The following EPB41L4A variants were observed in gnomAD, a reference collection of about 807,000 sequenced individuals.
EPB41L4A encodes the protein band 4.1-like protein 4A.
In EPB41L4A, 100 loss-of-function variants were observed where a neutral mutation model predicts 108.6. That is an observed-to-expected ratio of 0.92 (90% confidence interval 0.78 to 1.09). The LOEUF is 1.09. Ranked by LOEUF, EPB41L4A falls within the 50% of genes least tolerant of loss-of-function variation. EPB41L4A has a pLI of 0.00. For missense variants in EPB41L4A, 1,030 were observed against 842.7 expected, an observed-to-expected ratio of 1.22 and a Z score of -2.75; for synonymous variants, 319 against 289.0, an observed-to-expected ratio of 1.10 and a Z score of -1.05.
Position 112,419,086 on chromosome 5 carries a change from C to A in EPB41L4A, c.-47G>T. The A allele has an allele frequency of 7.1e-7, 1 of 1,409,528 alleles. No individual in the cohort carries two copies. The highest frequency in any genetic ancestry group is 1.0e-6 in the Non-Finnish European group (1 of 996,618). 87.3% of individuals were successfully genotyped at this position (1,409,528 alleles called of 1,614,324 possible). ...CCAGGAGAGAAAGCTACCACCGAGG[C>A]GCCCAGCCGCCCCCTCCACTCAAGC... On this transcript the variant is annotated 5_prime_UTR_variant, in exon 1 of 23. Coordinates refer to ENST00000261486, the MANE Select transcript of EPB41L4A (RefSeq NM_022140.5).
At chr5:112,219,740 C>A (rs982107636) in intron 12 of EPB41L4A, among the ~76,000 whole-genome samples, 1 of 152,112 alleles carries the variant, frequency 6.6e-6, no homozygotes, top group Admixed American at 6.5e-5. Context: ...CTGTTGCCTA[C>A]GCTGGAGTGC....
intron 1 of EPB41L4A, among the ~76,000 whole-genome samples, chr5:112,363,854 CACTT>C (rs1323334347): frequency 2.6e-5 from 4 of 152,188 alleles, no homozygotes; most frequent in Non-Finnish European, 4.4e-5. Flanking sequence ...TTCAAATACT[CACTT>C]AAACACTGAA....
chr5:112,222,942 G>GTTTTT (rs11399684), intron 12 of EPB41L4A, among the ~76,000 whole-genome samples: 1 of 140,192 alleles, frequency 7.1e-6, no homozygotes, highest in Non-Finnish European at 1.5e-5. Context: ...AGTGAAACTA[G>GTTTTT]TTTTTTTTTT....
chr5:112,388,377 G>T (rs1323378655), intron 1 of EPB41L4A, among the ~76,000 whole-genome samples: 2 of 152,144 alleles, frequency 1.3e-5, no homozygotes, highest in Non-Finnish European at 2.9e-5. Context: ...CCTGGCCCAG[G>T]TCACTTGGCT....
At chr5:112,418,606 G>C (rs925055599) in intron 1 of EPB41L4A, among the ~76,000 whole-genome samples, 1 of 152,168 alleles carries the variant, frequency 6.6e-6, no homozygotes, top group Non-Finnish European at 1.5e-5. Flanking sequence ...GGACGCAGCT[G>C]GTATAACCCA....
intron 1 of EPB41L4A, among the ~76,000 whole-genome samples, chr5:112,317,395 T>A (rs890470856): frequency 2.6e-5 from 4 of 152,132 alleles, no homozygotes. Flanking sequence ...TCAAAAAGGT[T>A]GGGAAAGAAT....
chr5:112,193,460 C>T (rs969518134), intron 17 of EPB41L4A, among the ~76,000 whole-genome samples: 2 of 152,192 alleles, frequency 1.3e-5, no homozygotes, highest in African/African-American at 4.8e-5. Flanking sequence ...TGCCACCACG[C>T]CCAGCTAATT....
intron 2 of EPB41L4A, among the ~76,000 whole-genome samples, chr5:112,294,802 C>G (rs66892745): frequency 0.15 from 22,474 of 151,922 alleles, 1,854 homozygotes; most frequent in African/African-American, 0.21. Flanking sequence ...AGAAAAGGAG[C>G]TCAAGATAAC....
At chr5:112,337,181 T>C (rs930054455) in intron 1 of EPB41L4A, among the ~76,000 whole-genome samples, 1 of 152,210 alleles carries the variant, frequency 6.6e-6, no homozygotes, top group Non-Finnish European at 1.5e-5. Context: ...AATGAAATTT[T>C]ATCAGCTTTT....
chr5:112,234,816 CAG>C (rs1749213936), intron 11 of EPB41L4A, 61 bp from the exon 12 acceptor site: 64 of 1,538,688 alleles, frequency 4.2e-5, no homozygotes, highest in Non-Finnish European at 5.6e-5. Flanking sequence ...AATTAAACAA[CAG>C]GTCATTCAGA....
intron 1 of EPB41L4A, among the ~76,000 whole-genome samples, chr5:112,368,335 A>G (rs907365080): frequency 6.6e-6 from 1 of 151,958 alleles, no homozygotes; most frequent in African/African-American, 2.4e-5. Flanking sequence ...CGTATGTGTG[A>G]CGCCACTCCC....
At chr5:112,383,847 A>T (rs1384605599) in intron 1 of EPB41L4A, among the ~76,000 whole-genome samples, 1 of 152,218 alleles carries the variant, frequency 6.6e-6, no homozygotes, top group East Asian at 1.9e-4. Flanking sequence ...ACAAAAAGTT[A>T]TCTGTCAATA....
chr5:112,307,269 T>C (rs1754750038), intron 2 of EPB41L4A, 117 bp downstream of exon 2: 2 of 639,628 alleles, frequency 3.1e-6, no homozygotes, highest in African/African-American at 3.7e-5. Flanking sequence ...ATGTTTGAGA[T>C]TTTCAAAGTC....
intron 2 of EPB41L4A, among the ~76,000 whole-genome samples, chr5:112,290,089 A>C (rs1753551947): frequency 6.6e-6 from 1 of 152,206 alleles, no homozygotes; most frequent in Non-Finnish European, 1.5e-5. Context: ...CACATCATTC[A>C]AGAAACCAGA....
At chr5:112,352,719 C>T (rs969253543) in intron 1 of EPB41L4A, among the ~76,000 whole-genome samples, 8 of 152,180 alleles carry the variant, frequency 5.3e-5, no homozygotes, top group African/African-American at 1.7e-4. Context: ...GTGGTAGCAG[C>T]TGTAGTTGTA....
intron 1 of EPB41L4A, among the ~76,000 whole-genome samples, chr5:112,375,333 A>G (rs797012581): frequency 0.012 from 1,719 of 141,884 alleles, 22 homozygotes; most frequent in South Asian, 0.038. Context: ...GCACACACAC[A>G]CATACACACA....
intron 11 of EPB41L4A, 42 bp from the exon 12 acceptor site, chr5:112,234,797 C>G (rs200130804): frequency 1.3e-6 from 2 of 1,581,864 alleles, no homozygotes; most frequent in South Asian, 2.3e-5. Context: ...TAAAACCACA[C>G]AGCCACAAAA....
chr5:112,264,932 A>G lies in EPB41L4A; in HGVS notation c.518T>C (p.Leu173Pro). Reference protein sequence around the residue: ...YRFVPDQKEELEEAIERIHKT... With the variant: ...YRFVPDQKEEPEEAIERIHKT... Reference sequence around the variant, plus strand: ...ATGAATCCTTTCTATGGCTTCTTCAAGTTCTTCCTTCTGATCAGGAACAAA... The same window carrying G: ...ATGAATCCTTTCTATGGCTTCTTCAGGTTCTTCCTTCTGATCAGGAACAAA... The change falls in exon 6 of 23, where the codon CTT becomes CCT. Residue 173 changes from leucine to proline, a missense_variant. Coordinates refer to ENST00000261486, the MANE Select transcript of EPB41L4A (RefSeq NM_022140.5). 1 of 1,612,586 alleles carries G rather than the reference A, an allele frequency of 6.2e-7. No homozygotes were observed. The highest frequency in any genetic ancestry group is 8.5e-7 in the Non-Finnish European group (1 of 1,179,396).
At chr5:112,154,286 G>A (rs1028028755) in intron 12 of EPB41L4A, among the ~76,000 whole-genome samples, 22 of 152,138 alleles carry the variant, frequency 1.4e-4, no homozygotes, top group African/African-American at 2.2e-4. Flanking sequence ...TCTGTACAAC[G>A]CACTCAGGGC....
Sources: allele counts gnomAD v4.1 joint callset (sites outside exome capture counted in the v4.1 genomes callset), GRCh38; gene constraint gnomAD v4.1.1; transcripts MANE v1.5; gene names NCBI Gene and HGNC (gene_info 2026-07-23, HGNC 2026-07-21).